The following SHISA9 variants were observed in gnomAD, a reference collection of about 807,000 sequenced individuals.
SHISA9 encodes protein shisa-9.
A neutral mutation model predicts 38.0 loss-of-function variants in SHISA9; 13 were observed. That is an observed-to-expected ratio of 0.34 (90% confidence interval 0.22 to 0.54). The LOEUF is 0.54. SHISA9 is among the 20% of genes least tolerant of loss of function. SHISA9 has a pLI of 0.91. For synonymous variants in SHISA9, 275 were observed against 242.0 expected (o/e 1.14, Z -1.27); for missense variants, 538 against 575.8 (o/e 0.93, Z 0.67).
At chr16:12,990,217 T>C (rs929053388) in intron 2 of SHISA9, among the ~76,000 whole-genome samples, 4 of 152,236 alleles carry the variant, frequency 2.6e-5, no homozygotes, top group Non-Finnish European at 2.9e-5. Flanking sequence ...GTCTTTGCTA[T>C]TGGATGCATA....
At chr16:13,297,348 C>A in the SHISA9 span, among the ~76,000 whole-genome samples, 3 of 152,110 alleles carry the variant, frequency 2.0e-5, no homozygotes, top group African/African-American at 7.2e-5. Context: ...ATAATTTGGC[C>A]ATATAATTTT....
At chr16:13,069,912 A>G (rs2073491096) in intron 2 of SHISA9, among the ~76,000 whole-genome samples, 1 of 152,114 alleles carries the variant, frequency 6.6e-6, no homozygotes, top group South Asian at 2.1e-4. Context: ...CTCATCAGAC[A>G]CCTAATCTGC....
At chr16:13,253,431 C>G in the SHISA9 span, among the ~76,000 whole-genome samples, 427 of 152,248 alleles carry the variant, frequency 2.8e-3, 13 homozygotes, top group East Asian at 0.058. Context: ...CTAATAAAGA[C>G]ATACCGAAGG....
At chr16:13,009,196 T>C (rs2072639861) in intron 2 of SHISA9, among the ~76,000 whole-genome samples, 1 of 152,128 alleles carries the variant, frequency 6.6e-6, no homozygotes, top group African/African-American at 2.4e-5. Context: ...CACAGAAAGT[T>C]TCAGCACAGA....
chr16:13,316,515 G>T, the SHISA9 span, among the ~76,000 whole-genome samples: 2 of 152,182 alleles, frequency 1.3e-5, no homozygotes, highest in African/African-American at 2.4e-5. Flanking sequence ...CAAGGTGGCA[G>T]TAAAAATGGA....
intron 2 of SHISA9, among the ~76,000 whole-genome samples, chr16:13,088,842 A>G (rs959445332): frequency 6.6e-6 from 1 of 152,190 alleles, no homozygotes. Context: ...AACTTCCAAC[A>G]CTATGTTGAA....
chr16:13,433,534 G>T, the SHISA9 span, among the ~76,000 whole-genome samples: 1 of 151,678 alleles, frequency 6.6e-6, no homozygotes, highest in Non-Finnish European at 1.5e-5. Context: ...AGGTCAGAGA[G>T]ATTAATGTGT....
chr16:12,975,799 C>A (rs550359352), intron 2 of SHISA9, among the ~76,000 whole-genome samples: 48 of 151,734 alleles, frequency 3.2e-4, no homozygotes, highest in Non-Finnish European at 5.1e-4. Context: ...GATTCTTGGT[C>A]ATCCTTGAAG....
At chr16:13,552,628 C>G in the SHISA9 span, among the ~76,000 whole-genome samples, 1 of 152,174 alleles carries the variant, frequency 6.6e-6, no homozygotes, top group Non-Finnish European at 1.5e-5. Flanking sequence ...GAGGTCACAA[C>G]GGATGACGCT....
chr16:13,202,217 G>T (rs1389737141), intron 2 of SHISA9, among the ~76,000 whole-genome samples: 1 of 128,950 alleles, frequency 7.8e-6, no homozygotes, highest in East Asian at 2.1e-4. Context: ...CTCTAGCTGT[G>T]CATGGCCAGA....
chr16:13,396,760 C>T, the SHISA9 span, among the ~76,000 whole-genome samples: 4 of 152,254 alleles, frequency 2.6e-5, no homozygotes, highest in East Asian at 7.7e-4. Flanking sequence ...TCTCATTCTT[C>T]ACTTCTTGAT....
At chr16:13,487,020 A>G in the SHISA9 span, among the ~76,000 whole-genome samples, 1 of 152,116 alleles carries the variant, frequency 6.6e-6, no homozygotes, top group Admixed American at 6.5e-5. Flanking sequence ...TTTCCCTTAA[A>G]GATATTTGCT....
the SHISA9 span, among the ~76,000 whole-genome samples, chr16:13,301,548 T>C: frequency 6.6e-6 from 1 of 152,236 alleles, no homozygotes; most frequent in Non-Finnish European, 1.5e-5. Flanking sequence ...AAACTTCTAA[T>C]AGTTCTGTGT....
the SHISA9 span, among the ~76,000 whole-genome samples, chr16:13,254,616 C>T: frequency 1.3e-5 from 2 of 152,314 alleles, no homozygotes; most frequent in Non-Finnish European, 2.9e-5. Flanking sequence ...CAGCAATTAC[C>T]ATGACGTTCT....
the SHISA9 span, among the ~76,000 whole-genome samples, chr16:13,283,459 G>A: frequency 1.6e-4 from 25 of 152,226 alleles, no homozygotes; most frequent in South Asian, 5.0e-3. Context: ...GGCTGGGGAG[G>A]CCTCACAATC....
chr16:13,527,355 C>A, the SHISA9 span, among the ~76,000 whole-genome samples: 1 of 152,190 alleles, frequency 6.6e-6, no homozygotes, highest in African/African-American at 2.4e-5. Context: ...CAACACCACT[C>A]CCAGTCTTTA....
At chr16:13,179,163 A>C (rs12934335) in intron 2 of SHISA9, among the ~76,000 whole-genome samples, 24,196 of 152,094 alleles carry the variant, frequency 0.16, 2,052 homozygotes, top group African/African-American at 0.22. Flanking sequence ...TAAAAATAAA[A>C]ATAAAATTAG....
chr16:13,128,758 C>A (rs1203696692), intron 2 of SHISA9, among the ~76,000 whole-genome samples: 1 of 152,096 alleles, frequency 6.6e-6, no homozygotes, highest in East Asian at 1.9e-4. Context: ...AGTCCCTGAT[C>A]CTGTTTAGGA....
intron 2 of SHISA9, among the ~76,000 whole-genome samples, chr16:13,074,740 C>T (rs1198429120): frequency 2.0e-5 from 3 of 150,894 alleles, no homozygotes; most frequent in Non-Finnish European, 2.9e-5. Context: ...TCTCAGCTCA[C>T]TGCAACCTCT....
Sources: gnomAD v4.1 joint callset for allele counts (sites outside exome capture counted in the v4.1 genomes callset) on GRCh38, gnomAD v4.1.1 for gene constraint, MANE v1.5 for transcripts, NCBI Gene and HGNC (gene_info 2026-07-23, HGNC 2026-07-21) for gene names.